CABIN1: variants seen among roughly 807,000 people sequenced by gnomAD.
CABIN1 encodes calcineurin-binding protein cabin-1.
In CABIN1, 133 loss-of-function variants were observed where a neutral mutation model predicts 227.7. The ratio of observed to expected loss-of-function variants is 0.58; its 90% CI spans 0.51 to 0.67. The LOEUF (loss-of-function observed/expected upper bound fraction) is 0.67. Among genes scored for constraint, CABIN1 ranks in the 30% least tolerant of loss-of-function variants. The pLI is 0.00. For missense variants in CABIN1, 2,408 were observed against 2,852.5 expected (o/e 0.84, Z 3.55); for synonymous variants, 1,086 against 1,155.1 (o/e 0.94, Z 1.21).
Position 24,041,176 on chromosome 22 carries a change from A to G in CABIN1, c.248A>G (p.His83Arg). ...GGTGATGAGAAAGAGGGGTTGAAAC[A>G]CCCTGGGCTGATACTGAAATATTCC... ...SSGDEKEGLK[H>R]PGLILKYSTY... The change falls in exon 5 of 37, where the codon CAC (histidine) becomes CGC (arginine). Residue 83 changes from histidine to arginine, a missense_variant. Coordinates refer to ENST00000263119, the MANE Select transcript of CABIN1 (RefSeq NM_012295.4). 2 of 1,614,190 alleles carry G rather than the reference A, an allele frequency of 1.2e-6. No homozygotes were observed. The highest frequency in any genetic ancestry group is 4.5e-5 in the East Asian group (2 of 44,880).
At chr22:24,040,172 C>T (rs1413027824) in intron 4 of CABIN1, among the ~76,000 whole-genome samples, 3 of 152,212 alleles carry the variant, frequency 2.0e-5, no homozygotes, top group Non-Finnish European at 4.4e-5. Context: ...ACAGAGGTAG[C>T]TGGGATCCAG....
intron 15 of CABIN1, among the ~76,000 whole-genome samples, chr22:24,065,035 A>G (rs1333118286): frequency 6.6e-6 from 1 of 151,962 alleles, no homozygotes; most frequent in Non-Finnish European, 1.5e-5. Context: ...TGTTGGGTAC[A>G]CCTCCCAGAG....
Position 24,177,900 on chromosome 22 carries a change from C to A in CABIN1, c.6519+83C>A. On this transcript the variant is annotated intron_variant, in intron 36 of 36. Transcript: ENST00000263119. This position sits in a 1 kb window ranked among gnomAD's most constrained non-coding sequence, Gnocchi z 4.4. ...GGGCCTAGGATGGGGGTGGGGGTGG[C>A]AGGAGGGCCTGGGGTGTGGGTGAGG... The A allele has an allele frequency of 7.1e-7, 1 of 1,405,390 alleles. No individual in the cohort carries two copies. Among genetic ancestry groups the A allele is most frequent in the Non-Finnish European group, 9.7e-7 (1 of 1,033,920 alleles). 87.1% of individuals were successfully genotyped at this position (1,405,390 alleles called of 1,614,324 possible). A position where few individuals can be genotyped will look rare whatever the true frequency, so the allele number is the denominator to read the frequency against.
At chr22:24,153,051 C>G (rs982440822) in intron 29 of CABIN1, among the ~76,000 whole-genome samples, 1 of 152,182 alleles carries the variant, frequency 6.6e-6, no homozygotes, top group African/African-American at 2.4e-5. Context: ...GGCAGCTCAG[C>G]CGACAGCACC....
Position 24,134,322 on chromosome 22 carries a change from C to T in CABIN1, c.4653C>T (p.Asp1551=), listed in dbSNP as rs763594423. 5.4e-5 allele frequency: 87 copies of T among 1,613,874 alleles called. 1 individual carries two copies. The highest frequency in any genetic ancestry group is 6.7e-5 in the East Asian group (3 of 44,898). ...CCCAGAACCTCCAGTGGGCCCGCGA[C>T]GTGTTGCTAGGCAGCAGTATCCCGT... ...KTHRNLQWAR[D]VLLGSSIPWQ... is the part of the protein sequence containing the mutation. The change falls in exon 29 of 37, where the codon GAC becomes GAT. Residue 1551 remains aspartate (D), a synonymous_variant. Coordinates refer to ENST00000263119, the MANE Select transcript of CABIN1 (RefSeq NM_012295.4).
chr22:24,129,358 C>T (rs2043926408), intron 28 of CABIN1, among the ~76,000 whole-genome samples: 1 of 152,078 alleles, frequency 6.6e-6, no homozygotes, highest in Non-Finnish European at 1.5e-5. Flanking sequence ...AGTTAGTGGG[C>T]GGGGGCTGGC....
chr22:24,053,779 T>G (rs1437013513), intron 8 of CABIN1, among the ~76,000 whole-genome samples: 1 of 152,100 alleles, frequency 6.6e-6, no homozygotes, highest in East Asian at 1.9e-4. Context: ...CAGGGCCTGG[T>G]CCCTTGCTAC....
Position 24,049,117 on chromosome 22 carries a change from T to G in CABIN1, c.553T>G (p.Leu185Val). The change falls in exon 7 of 37, where the codon TTG (leucine) becomes GTG (valine). Residue 185 changes from leucine to valine, a missense_variant. Transcript: ENST00000263119. ...ATGTCTGTACTTCATCTGCAAAGCTTTGGAGAAGGATTGCCGGTACAGCAA... is the reference window on the plus strand; with the variant it reads ...ATGTCTGTACTTCATCTGCAAAGCTGTGGAGAAGGATTGCCGGTACAGCAA... ...TTCLYFICKA[L>V]EKDCRYSKGL... 6.2e-7 allele frequency: 1 copy of G among 1,614,148 alleles called. No homozygotes were observed. Among genetic ancestry groups the G allele is most frequent in the Non-Finnish European group, 8.5e-7 (1 of 1,180,022 alleles).
At chr22:24,151,996 G>A (rs1401935889) in intron 29 of CABIN1, among the ~76,000 whole-genome samples, 1 of 152,208 alleles carries the variant, frequency 6.6e-6, no homozygotes, top group Non-Finnish European at 1.5e-5. Flanking sequence ...CCTGGTGATG[G>A]AGAACTGTGG....
chr22:24,051,239 A>G (rs1186158515), intron 8 of CABIN1, among the ~76,000 whole-genome samples: 1 of 152,140 alleles, frequency 6.6e-6, no homozygotes, highest in Non-Finnish European at 1.5e-5. Flanking sequence ...CATTCCTGTA[A>G]GGCCCTTCTC....
intron 28 of CABIN1, among the ~76,000 whole-genome samples, chr22:24,122,636 A>C (rs2043485196): frequency 6.6e-6 from 1 of 152,054 alleles, no homozygotes; most frequent in South Asian, 2.1e-4. Context: ...TGAACTGGGG[A>C]GGCGGAGGTT....
chr22:24,138,644 G>A (rs2044561834), intron 29 of CABIN1, among the ~76,000 whole-genome samples: 1 of 152,138 alleles, frequency 6.6e-6, no homozygotes, highest in Non-Finnish European at 1.5e-5. Context: ...GTTATAGGAG[G>A]GTACAGGGAA....
intron 19 of CABIN1, among the ~76,000 whole-genome samples, chr22:24,080,602 C>G (rs1601956715): frequency 6.6e-6 from 1 of 152,098 alleles, no homozygotes; most frequent in Non-Finnish European, 1.5e-5. Context: ...CTCCATAATA[C>G]TTTTTTTCCT....
At position 24,124,770 on chromosome 22, in the gene CABIN1, C is replaced by T. The variant is rs377349659; in HGVS notation, c.4632+5072C>T. On this transcript the variant is annotated intron_variant, in intron 28 of 36. Coordinates refer to ENST00000263119, the MANE Select transcript of CABIN1 (RefSeq NM_012295.4). ...AGGAAAAAGGCCAAGGCATAGACACCCCTGCCCTGCTCTCCCAGTTGCCTC... is the reference window on the plus strand; with the variant it reads ...AGGAAAAAGGCCAAGGCATAGACACTCCTGCCCTGCTCTCCCAGTTGCCTC... 7.9e-5 allele frequency among the ~76,000 whole-genome samples: 12 copies of T among 152,256 alleles called. No individual in the cohort carries two copies. The East Asian group carries it at 2.3e-3, about 29-fold the overall frequency.
chr22:24,109,131 T>C (rs983504479), intron 26 of CABIN1, among the ~76,000 whole-genome samples: 3 of 151,822 alleles, frequency 2.0e-5, no homozygotes, highest in African/African-American at 7.3e-5. Context: ...CTCTCAGAGA[T>C]AGTAGGTGAC....
Position 24,162,450 on chromosome 22 carries a change from A to G in CABIN1, c.4747-1950A>G, listed in dbSNP as rs931578982. ...GGGAATAGTGCCCAGTGCAAGGTAAATAAACATAGGAGCCCCCATACTGGG... is the reference window on the plus strand; with the variant it reads ...GGGAATAGTGCCCAGTGCAAGGTAAGTAAACATAGGAGCCCCCATACTGGG... On this transcript the variant is annotated intron_variant, in intron 29 of 36. Coordinates refer to ENST00000263119, the MANE Select transcript of CABIN1 (RefSeq NM_012295.4). Among the ~76,000 whole-genome samples the G allele has an allele frequency of 7.2e-5, 11 of 152,338 alleles. No individual in the cohort carries two copies. The South Asian group carries it at 1.4e-3, about 20-fold the overall frequency.
chr22:24,119,699 G>T lies in CABIN1; in HGVS notation c.4632+1G>T. The T allele has an allele frequency of 6.2e-7, 1 of 1,613,712 alleles. No homozygotes were observed. Reference sequence around the variant, plus strand: ...CTACACCTACAGCAAGACCCACCGGGTGAGTGGCTGCCGGGCCAAGGGGGC... The same window carrying T: ...CTACACCTACAGCAAGACCCACCGGTTGAGTGGCTGCCGGGCCAAGGGGGC... On this transcript the variant is annotated splice_donor_variant, in intron 28 of 36. Coordinates refer to ENST00000263119, the MANE Select transcript of CABIN1 (RefSeq NM_012295.4). LOFTEE classifies it high-confidence loss of function.
intron 1 of CABIN1, among the ~76,000 whole-genome samples, chr22:24,030,239 T>G (rs1212196887): frequency 1.3e-5 from 2 of 152,146 alleles, no homozygotes; most frequent in Non-Finnish European, 2.9e-5. Flanking sequence ...CTCACAGCTG[T>G]GCATGTCCAG....
At chr22:24,092,058 G>C (rs1017066797) in intron 24 of CABIN1, 1 of 628,786 alleles carries the variant, frequency 1.6e-6, no homozygotes, top group Admixed American at 3.0e-5. Context: ...TGACCATTTT[G>C]TTCTTATCTC....
Sources: gnomAD v4.1 joint callset for allele counts (sites outside exome capture counted in the v4.1 genomes callset) on GRCh38, gnomAD v4.1.1 for gene constraint, Gnocchi (gnomAD v3.1) non-coding constraint, MANE v1.5 for transcripts, NCBI Gene and HGNC (gene_info 2026-07-23, HGNC 2026-07-21) for gene names.